The following ABCB11 variants were observed in gnomAD, a reference collection of about 807,000 sequenced individuals.
The protein encoded by ABCB11 is bile salt export pump.
Under a neutral mutation model 148.0 loss-of-function variants are expected in ABCB11, and 95 were observed. That is an observed-to-expected ratio of 0.64 (90% CI 0.54 to 0.76). ABCB11 has a LOEUF of 0.76. Among genes scored for constraint, ABCB11 ranks in the 30% least tolerant of loss-of-function variants. The pLI is 0.00. For missense variants in ABCB11, 1,523 were observed against 1,617.8 expected (o/e 0.94, Z 1.01); for synonymous variants, 591 against 555.4 (o/e 1.06, Z -0.90).
intron 23 of ABCB11, among the ~76,000 whole-genome samples, chr2:168,933,350 C>T (rs1443547419): frequency 6.6e-6 from 1 of 152,164 alleles, no homozygotes; most frequent in Non-Finnish European, 1.5e-5. Flanking sequence ...AATTGCCTGT[C>T]TCCTTCTACT....
At chr2:168,946,425 G>A (rs1244191028) in intron 19 of ABCB11, among the ~76,000 whole-genome samples, 2 of 151,610 alleles carry the variant, frequency 1.3e-5, no homozygotes, top group Non-Finnish European at 2.9e-5. Flanking sequence ...GAGTAGGAGG[G>A]GTTCTAAATT....
rs766975012 is a variant in ABCB11, at chr2:168,990,885, G to T, written c.824C>A (p.Ala275Asp). Residue 275 changes from alanine to aspartate, a missense_variant, in exon 9 of 28, where the codon GCC (alanine) becomes GAC (aspartate). By Grantham distance (126) the Ala-to-Asp change is moderately radical. Transcript: ENST00000650372. ...TTCATCAGCCACCACCCCTGCTTTG[G>T]CATAGGCCTTCAGCTCATAGTCCGT... Reference protein sequence around the residue: ...KFTDYELKAYAKAGVVADEVI... With the variant: ...KFTDYELKAYDKAGVVADEVI... The T allele has an allele frequency of 2.5e-6, 4 of 1,612,972 alleles. No homozygotes were observed. Among genetic ancestry groups the T allele is most frequent in the Admixed American group, 1.7e-5 (1 of 59,874 alleles).
At chr2:168,948,626 A>G (rs1299254734) in intron 19 of ABCB11, among the ~76,000 whole-genome samples, 1 of 151,764 alleles carries the variant, frequency 6.6e-6, no homozygotes, top group African/African-American at 2.4e-5. Flanking sequence ...AGATCTGTCG[A>G]GGGAATAAAA....
chr2:169,022,719 C>T (rs775798359), intron 1 of ABCB11, among the ~76,000 whole-genome samples: 13 of 151,804 alleles, frequency 8.6e-5, no homozygotes, highest in African/African-American at 3.1e-4. Flanking sequence ...ATAATTTTGA[C>T]ATCAAAACAA....
chr2:168,946,167 G>C (rs1486928130), intron 19 of ABCB11, among the ~76,000 whole-genome samples: 1 of 151,768 alleles, frequency 6.6e-6, no homozygotes, highest in African/African-American at 2.4e-5. Context: ...GAGGGAACTG[G>C]GAAGGTCAGA....
chr2:169,002,360 A>C (rs1299301913), intron 5 of ABCB11, among the ~76,000 whole-genome samples: 1 of 152,216 alleles, frequency 6.6e-6, no homozygotes, highest in Non-Finnish European at 1.5e-5. Flanking sequence ...GGGAATGTAA[A>C]TTAGTACAGT....
intron 17 of ABCB11, among the ~76,000 whole-genome samples, chr2:168,965,006 C>G (rs965137999): frequency 2.0e-5 from 3 of 151,668 alleles, no homozygotes; most frequent in Non-Finnish European, 4.4e-5. Context: ...ATAGAAGAGG[C>G]CTGTACCACA....
intron 5 of ABCB11, among the ~76,000 whole-genome samples, chr2:169,002,594 T>C (rs959313991): frequency 2.0e-5 from 3 of 152,142 alleles, no homozygotes; most frequent in Non-Finnish European, 4.4e-5. Flanking sequence ...TAATGGAATA[T>C]TATTCAGCCT....
At chr2:168,923,843 G>T (rs753187723) in intron 27 of ABCB11, 21 bp from the exon 28 acceptor site, 2 of 1,612,724 alleles carry the variant, frequency 1.2e-6, no homozygotes, top group South Asian at 1.1e-5. Flanking sequence ...AAGATGGAAA[G>T]TTGATGCAAA....
chr2:168,937,592 A>G (rs935811092), intron 21 of ABCB11, among the ~76,000 whole-genome samples: 2 of 152,226 alleles, frequency 1.3e-5, no homozygotes, highest in Non-Finnish European at 2.9e-5. Context: ...AGCCCTAAAC[A>G]TGGGCTACAC....
intron 18 of ABCB11, among the ~76,000 whole-genome samples, chr2:168,961,463 C>T (rs1236951763): frequency 6.6e-6 from 1 of 151,694 alleles, no homozygotes; most frequent in Non-Finnish European, 1.5e-5. Flanking sequence ...CTTATCTTAA[C>T]CAATGCCTAA....
At position 169,011,526 on chromosome 2, in the gene ABCB11, G is replaced by T. The variant is rs549653023; in HGVS notation, c.389+1746C>A. On this transcript the variant is annotated intron_variant, in intron 5 of 27. Transcript: ENST00000650372. ...ACATTAGGGAACTTATATAGAATAA[G>T]TAGGCTTGTTGTTTATAAAGAATAA... 3.9e-5 allele frequency among the ~76,000 whole-genome samples: 6 copies of T among 152,302 alleles called. No individual in the cohort carries two copies. The South Asian group carries it at 1.2e-3, about 32-fold the overall frequency.
At chr2:169,025,684 T>G (rs544786131) in intron 1 of ABCB11, among the ~76,000 whole-genome samples, 19 of 152,244 alleles carry the variant, frequency 1.2e-4, no homozygotes, top group African/African-American at 4.6e-4. Flanking sequence ...ACAAATAGTT[T>G]TTGTGGTTTC....
intron 21 of ABCB11, among the ~76,000 whole-genome samples, chr2:168,944,086 C>G (rs1311066322): frequency 1.3e-5 from 2 of 151,966 alleles, no homozygotes; most frequent in East Asian, 3.9e-4. Flanking sequence ...CACCACAGCT[C>G]TGTCTACCTT....
chr2:168,959,301 T>A (rs927139328), intron 18 of ABCB11, among the ~76,000 whole-genome samples: 1 of 151,738 alleles, frequency 6.6e-6, no homozygotes, highest in Non-Finnish European at 1.5e-5. Flanking sequence ...TGCTCACTCA[T>A]GCAGCAGGTC....
intron 18 of ABCB11, among the ~76,000 whole-genome samples, chr2:168,961,414 A>G (rs1436144985): frequency 2.0e-5 from 3 of 151,730 alleles, no homozygotes; most frequent in African/African-American, 7.2e-5. Context: ...TTTCAAATGA[A>G]CTAATACTGA....
At chr2:168,949,190 T>A (rs1182273465) in intron 19 of ABCB11, among the ~76,000 whole-genome samples, 1 of 151,674 alleles carries the variant, frequency 6.6e-6, no homozygotes, top group East Asian at 1.9e-4. Context: ...CACATTTTTT[T>A]AAACTGCTTT....
intron 5 of ABCB11, 43 bp downstream of exon 5, chr2:169,013,229 A>T: frequency 6.9e-7 from 1 of 1,450,508 alleles, no homozygotes; most frequent in Admixed American, 1.9e-5. Context: ...ACAATTTAAG[A>T]TATGAGCAAA....
intron 12 of ABCB11, among the ~76,000 whole-genome samples, chr2:168,974,851 G>T (rs890486085): frequency 6.6e-6 from 1 of 151,066 alleles, no homozygotes; most frequent in African/African-American, 2.4e-5. Flanking sequence ...CTTTACATAT[G>T]TTATAACATT....
Sources: allele counts gnomAD v4.1 joint callset (sites outside exome capture counted in the v4.1 genomes callset), GRCh38; gene constraint gnomAD v4.1.1; transcripts MANE v1.5; gene names NCBI Gene and HGNC (gene_info 2026-07-23, HGNC 2026-07-21).